PITPNM3: variants seen among roughly 807,000 people sequenced by gnomAD.
The protein encoded by PITPNM3 is membrane-associated phosphatidylinositol transfer protein 3.
In PITPNM3, 26 loss-of-function variants were observed where a neutral mutation model predicts 102.0. The ratio of observed to expected loss-of-function variants is 0.25; its 90% CI spans 0.19 to 0.35. The LOEUF (loss-of-function observed/expected upper bound fraction) is 0.35, where lower values mean the gene tolerates loss of function less well. PITPNM3 is among the 10% of genes least tolerant of loss of function. The probability of loss-of-function intolerance (pLI) is 1.00; values close to 1 mark genes in which losing one functional copy is unlikely to be tolerated. For missense variants in PITPNM3, 1,083 were observed against 1,346.1 expected (o/e 0.80, Z 3.06); for synonymous variants, 578 against 558.6 (o/e 1.03, Z -0.49).
At chr17:6,490,398 A>T (rs1906384730) in intron 4 of PITPNM3, among the ~76,000 whole-genome samples, 1 of 152,114 alleles carries the variant, frequency 6.6e-6, no homozygotes, top group South Asian at 2.1e-4. Context: ...CTGAGATTCT[A>T]TGAGTCCAAG....
intron 2 of PITPNM3, among the ~76,000 whole-genome samples, chr17:6,531,500 C>T (rs773870714): frequency 6.6e-6 from 1 of 152,228 alleles, no homozygotes; most frequent in Non-Finnish European, 1.5e-5. Flanking sequence ...TACCTGTCAC[C>T]CAGCAATCTT....
chr17:6,553,730 T>C (rs1200820508), intron 1 of PITPNM3, among the ~76,000 whole-genome samples: 1 of 152,034 alleles, frequency 6.6e-6, no homozygotes, highest in African/African-American at 2.4e-5. Context: ...AGCCCTTTGT[T>C]CCTGTGTCAC....
In PITPNM3 at chr17:6,472,572, C is replaced by T. The variant is rs1905120345; in HGVS notation, c.1429+85G>A. 3.4e-6 allele frequency: 5 copies of T among 1,484,098 alleles called. No homozygotes were observed. Among genetic ancestry groups the T allele is most frequent in the Middle Eastern group, 2.4e-4 (1 of 4,242 alleles). The allele number at this position is 1,484,098 out of a possible 1,614,324, so 91.9% of individuals were successfully genotyped here. ...ACAGCCCCTGCTCAGGTGAGTCACCCTACTCACTGAGAGCTTGGAGGGGTT... is the reference window on the plus strand; with the variant it reads ...ACAGCCCCTGCTCAGGTGAGTCACCTTACTCACTGAGAGCTTGGAGGGGTT... On this transcript the variant is annotated intron_variant, in intron 11 of 19. Coordinates refer to ENST00000262483, the MANE Select transcript of PITPNM3 (RefSeq NM_031220.4). The surrounding 1 kb of genome is among the most constrained non-coding windows in gnomAD (Gnocchi z 4.1).
intron 4 of PITPNM3, among the ~76,000 whole-genome samples, chr17:6,499,292 C>A (rs1257804519): frequency 6.6e-6 from 1 of 152,216 alleles, no homozygotes; most frequent in Non-Finnish European, 1.5e-5. Flanking sequence ...GTCTCCAAGA[C>A]ACCCCTCCCC....
intron 9 of PITPNM3, among the ~76,000 whole-genome samples, chr17:6,475,124 G>C (rs912128696): frequency 6.6e-6 from 1 of 152,194 alleles, no homozygotes; most frequent in Non-Finnish European, 1.5e-5. Context: ...CGTCAGTTCT[G>C]TTCTGCTGGG....
chr17:6,463,741 T>C lies in PITPNM3; in HGVS notation c.2297A>G (p.Asp766Gly). 1 of 1,611,492 alleles carries C rather than the reference T, an allele frequency of 6.2e-7. No individual in the cohort carries two copies. Among genetic ancestry groups the C allele is most frequent in the Non-Finnish European group, 8.5e-7 (1 of 1,179,734 alleles). ...SDPKVRPGAVDVVRHWQDLGY... is the reference protein window; with the variant it reads ...SDPKVRPGAVGVVRHWQDLGY... ...GGAAGGTGGCACTCACCGGACAACA[T>C]CCACTGCACCCGGCCGGACCTTGGG... The change falls in exon 17 of 20, where the codon GAT becomes GGT. Residue 766 changes from aspartate to glycine, a missense_variant. Around this residue, in one of 5 missense-constraint regions of PITPNM3, gnomAD observed 410 missense variants for 638.4 expected, o/e 0.64. Coordinates refer to ENST00000262483, the MANE Select transcript of PITPNM3 (RefSeq NM_031220.4).
In PITPNM3 at chr17:6,451,884, C is replaced by CA. The variant is rs879195140; in HGVS notation, c.*3453_*3454insT. On this transcript the variant is annotated 3_prime_UTR_variant, in exon 20 of 20. Coordinates refer to ENST00000262483, the MANE Select transcript of PITPNM3 (RefSeq NM_031220.4). ...CACTTGGCACCCAAACCCCCCCCCC[C>CA]CGCCCGCCGATGGGATTCGGTGGGA... 1.3e-5 allele frequency: 1 copy of CA among 78,624 alleles called. No homozygotes were observed. The highest frequency in any genetic ancestry group is 2.6e-5 in the Non-Finnish European group (1 of 38,498). 4.9% of individuals were successfully genotyped at this position (78,624 alleles called of 1,614,324 possible). A position where few individuals can be genotyped will look rare whatever the true frequency, so the allele number is the denominator to read the frequency against.
Position 6,491,422 on chromosome 17 carries a change from T to C in PITPNM3, c.275-7130A>G, listed in dbSNP as rs79177520. Among the ~76,000 whole-genome samples the C allele has an allele frequency of 3.7e-3, 567 of 152,248 alleles. 2 individuals are homozygous for C. Among genetic ancestry groups the C allele is most frequent in the African/African-American group, 0.013 (528 of 41,544 alleles). ...ATGCGGATGGAACAGCGTGAAGCTG[T>C]TCTGAAGGTTTTAAAACTTTTTTAA... On this transcript the variant is annotated intron_variant, in intron 4 of 19. Coordinates refer to ENST00000262483, the MANE Select transcript of PITPNM3 (RefSeq NM_031220.4).
Position 6,470,187 on chromosome 17 carries a change from C to T in PITPNM3, c.1773+73G>A. The T allele has an allele frequency of 6.8e-7, 1 of 1,478,902 alleles. No homozygotes were observed. The allele number at this position is 1,478,902 out of a possible 1,614,324, so 91.6% of individuals were successfully genotyped here. On this transcript the variant is annotated intron_variant, in intron 13 of 19. Transcript: ENST00000262483. The surrounding 1 kb of genome is among the most constrained non-coding windows in gnomAD (Gnocchi z 4.8). ...TGAACAGTGTCTGCAAGAATAGCCT[C>T]CTCTCCAGCTGGAGAAGGGGCGGTA...
chr17:6,547,104 G>A (rs1910063300), intron 1 of PITPNM3, among the ~76,000 whole-genome samples: 1 of 152,174 alleles, frequency 6.6e-6, no homozygotes, highest in South Asian at 2.1e-4. Flanking sequence ...GCCCAGGGAG[G>A]TCAGTAAGAA....
chr17:6,543,044 T>A (rs1490448977), intron 1 of PITPNM3, among the ~76,000 whole-genome samples: 1 of 152,128 alleles, frequency 6.6e-6, no homozygotes, highest in East Asian at 1.9e-4. Context: ...ATTTAAAATG[T>A]TAAGTCAGGA....
rs377473358 is a variant in PITPNM3, at chr17:6,455,419, G to C, written c.2844C>G (p.Pro948=). 3.1e-6 allele frequency: 5 copies of C among 1,602,036 alleles called. No individual in the cohort carries two copies. Among genetic ancestry groups the C allele is most frequent in the Non-Finnish European group, 3.4e-6 (4 of 1,177,232 alleles). The change falls in exon 20 of 20, where the codon CCC becomes CCG. Residue 948 remains proline (P), a synonymous_variant. Coordinates refer to ENST00000262483, the MANE Select transcript of PITPNM3 (RefSeq NM_031220.4). ...GCCGCTCGTGGTCTTTGTCCGACTC[G>C]GGCTGGCTCTGGGCCCGCTCGGGCT... is the stretch of plus-strand genomic sequence containing the variant. ...NPKPERAQSQ[P]ESDKDHERPL... is the part of the protein sequence containing the mutation.
intron 1 of PITPNM3, among the ~76,000 whole-genome samples, chr17:6,538,838 G>A (rs1191141292): frequency 1.3e-5 from 2 of 152,172 alleles, no homozygotes; most frequent in Non-Finnish European, 2.9e-5. Flanking sequence ...GGCGGGGGGT[G>A]GACATCCTCC....
chr17:6,525,564 T>G, intron 2 of PITPNM3, 101 bp from the exon 3 acceptor site: 1 of 853,674 alleles, frequency 1.2e-6, no homozygotes, highest in Non-Finnish European at 2.0e-6. Flanking sequence ...GTCCTATTTC[T>G]TCCTTGAGTT....
At chr17:6,546,356 G>A (rs893181970) in intron 1 of PITPNM3, among the ~76,000 whole-genome samples, 1 of 152,222 alleles carries the variant, frequency 6.6e-6, no homozygotes, top group Non-Finnish European at 1.5e-5. Context: ...AGCTTCCAGG[G>A]CAACCAGAGG....
At chr17:6,542,006 T>C (rs1051135468) in intron 1 of PITPNM3, among the ~76,000 whole-genome samples, 3 of 152,182 alleles carry the variant, frequency 2.0e-5, no homozygotes, top group Admixed American at 6.5e-5. Context: ...GCCTCAGGGA[T>C]GTTTCAGGAA....
Position 6,455,294 on chromosome 17 carries a change from C to A in PITPNM3, c.*44G>T. 6.5e-7 allele frequency: 1 copy of A among 1,529,268 alleles called. No individual in the cohort carries two copies. The highest frequency in any genetic ancestry group is 1.3e-5 in the South Asian group (1 of 78,432). The allele number at this position is 1,529,268 out of a possible 1,614,324, so 94.7% of individuals were successfully genotyped here. ...AGCCCCCTCCCGTCCCCGCAGGCAG[C>A]CTGATTGGGCCCCCCGCTCCCTGCT... is the stretch of plus-strand genomic sequence containing the variant. On this transcript the variant is annotated 3_prime_UTR_variant, in exon 20 of 20. Coordinates refer to ENST00000262483, the MANE Select transcript of PITPNM3 (RefSeq NM_031220.4).
chr17:6,490,231 A>C (rs1280038586), intron 4 of PITPNM3, among the ~76,000 whole-genome samples: 3 of 152,124 alleles, frequency 2.0e-5, no homozygotes, highest in Non-Finnish European at 4.4e-5. Flanking sequence ...ACATGCAGAA[A>C]GAAGGGGACA....
chr17:6,500,059 A>G (rs1214087620), intron 4 of PITPNM3, among the ~76,000 whole-genome samples: 1 of 152,154 alleles, frequency 6.6e-6, no homozygotes, highest in Non-Finnish European at 1.5e-5. Flanking sequence ...TCCACAACTG[A>G]GTAAACTGAG....
Sources: allele counts gnomAD v4.1 joint callset (sites outside exome capture counted in the v4.1 genomes callset), GRCh38; gene constraint gnomAD v4.1.1; regional missense constraint gnomAD v4.1.1; non-coding constraint Gnocchi (gnomAD v3.1); transcripts MANE v1.5; gene names NCBI Gene and HGNC (gene_info 2026-07-23, HGNC 2026-07-21).